Variants in PLXNA1 observed in about 807,000 individuals in gnomAD.
The protein encoded by PLXNA1 is plexin-A1.
PLXNA1 carries 77 observed loss-of-function variants against 191.7 expected under a neutral mutation model. The observed-to-expected ratio is 0.40, with a 90% CI of 0.33 to 0.49. The LOEUF (loss-of-function observed/expected upper bound fraction) is 0.49, where lower values mean the gene tolerates loss of function less well. Ranked by LOEUF, PLXNA1 falls within the 20% of genes least tolerant of loss-of-function variation. PLXNA1 has a pLI of 0.63. For synonymous variants in PLXNA1, 1,137 were observed against 1,156.4 expected (o/e 0.98, Z 0.34); for missense variants, 2,110 against 2,660.2 (o/e 0.79, Z 4.55).
chr3:127,016,021 C>G lies in PLXNA1; in HGVS notation c.3015-496C>G, dbSNP rs187172946. Among the ~76,000 whole-genome samples, 556 of 152,186 alleles carry G rather than the reference C, an allele frequency of 3.7e-3. 3 individuals carry two copies. The highest frequency in any genetic ancestry group is 0.012 in the African/African-American group (486 of 41,528). On this transcript the variant is annotated intron_variant, in intron 15 of 31. Coordinates refer to ENST00000393409, the MANE Select transcript of PLXNA1 (RefSeq NM_032242.4). ...GAGTGGGTGCTGGGCTCCCAGCACTCGGAGCCCCGGCTGAGTGAGGCTGGC... is the reference window on the plus strand; with the variant it reads ...GAGTGGGTGCTGGGCTCCCAGCACTGGGAGCCCCGGCTGAGTGAGGCTGGC...
chr3:127,017,109 C>T, intron 17 of PLXNA1, 72 bp downstream of exon 17: 1 of 1,361,458 alleles, frequency 7.3e-7, no homozygotes, highest in Non-Finnish European at 1.0e-6. Context: ...CTAGGAATAC[C>T]CGTGTCCCTG....
chr3:127,027,595 C>T (rs1304671345), intron 23 of PLXNA1: 2 of 459,494 alleles, frequency 4.4e-6, no homozygotes, highest in East Asian at 6.2e-5. Context: ...GGGGATCCTG[C>T]TGAGACCAGG....
intron 26 of PLXNA1, 82 bp from the exon 27 acceptor site, chr3:127,029,358 G>A (rs1373571334): frequency 6.8e-6 from 9 of 1,330,232 alleles, no homozygotes; most frequent in Admixed American, 3.4e-5. Context: ...GGGTGTCACC[G>A]GGGTCCCCAG....
At chr3:126,992,953 G>A (rs1407976996) in intron 3 of PLXNA1, among the ~76,000 whole-genome samples, 1 of 152,164 alleles carries the variant, frequency 6.6e-6, no homozygotes, top group Non-Finnish European at 1.5e-5. Context: ...CCAGACAGAG[G>A]ACCGTGCTTG....
Position 127,004,651 on chromosome 3 carries a change from C to T in PLXNA1, c.1559C>T (p.Ser520Phe). ...VPVESCVQYTSCELCLGSRDP... is the reference protein window; with the variant it reads ...VPVESCVQYTFCELCLGSRDP... Reference sequence around the variant, plus strand: ...GTGGAGAGCTGTGTGCAGTACACGTCCTGTGAGCTGTGTCTGGGGTCACGG... The same window carrying T: ...GTGGAGAGCTGTGTGCAGTACACGTTCTGTGAGCTGTGTCTGGGGTCACGG... The change falls in exon 5 of 32, where the codon TCC becomes TTC. Residue 520 changes from serine to phenylalanine, a missense_variant. Ser to Phe is a radical substitution (Grantham distance 155, BLOSUM62 -2). This residue lies in a region of PLXNA1 where 903 missense variants were observed against 1,015.7 expected (regional missense o/e 0.89). Coordinates refer to ENST00000393409, the MANE Select transcript of PLXNA1 (RefSeq NM_032242.4). The T allele has an allele frequency of 6.3e-7, 1 of 1,585,980 alleles. No individual in the cohort carries two copies. The highest frequency in any genetic ancestry group is 8.6e-7 in the Non-Finnish European group (1 of 1,166,274).
chr3:127,015,655 G>C (rs1422684650), intron 15 of PLXNA1, among the ~76,000 whole-genome samples: 1 of 152,218 alleles, frequency 6.6e-6, no homozygotes, highest in African/African-American at 2.4e-5. Flanking sequence ...CTTAACAAAA[G>C]CCCTGAGGCT....
At position 127,006,137 on chromosome 3, in the gene PLXNA1, G is replaced by A. The variant is rs765864297; in HGVS notation, c.1956G>A (p.Ala652=). The change falls in exon 8 of 32, where the codon GCG becomes GCA. Residue 652 remains alanine (A), a synonymous_variant. Transcript: ENST00000393409. ...CCAAGGAGACAGGGAAGAAGTTTGCGTCTGTGGACTTCGTCTTCTACAACT... is the reference window on the plus strand; with the variant it reads ...CCAAGGAGACAGGGAAGAAGTTTGCATCTGTGGACTTCGTCTTCTACAACT... ...LKSKETGKKF[A]SVDFVFYNCS... The A allele has an allele frequency of 6.1e-5, 98 of 1,613,720 alleles. No homozygotes were observed. The highest frequency in any genetic ancestry group is 1.8e-4 in the South Asian group (16 of 91,088).
In PLXNA1 at chr3:127,014,374, A is replaced by G. The variant is rs766849650; in HGVS notation, c.2603A>G (p.Lys868Arg). The G allele has an allele frequency of 1.6e-5, 25 of 1,590,108 alleles. No individual in the cohort carries two copies. The highest frequency in any genetic ancestry group is 2.0e-5 in the Non-Finnish European group (24 of 1,174,950). The stretch of plus-strand genomic sequence containing the variant: ...CGCTGCACCGACCCCAAGATCCTCA[A>G]GGTAGGGCCCCCAGCCCTGCCCCCA... ...SSRCTDPKIL[K>R]LSPETGPRQG... is the part of the protein sequence containing the mutation. Residue 868 changes from lysine (K) to arginine (R), a missense_variant and splice_region_variant, in exon 12 of 32, where the codon AAG becomes AGG. Lys to Arg is a conservative substitution (Grantham distance 26). Transcript: ENST00000393409.
chr3:127,022,958 C>A, intron 23 of PLXNA1, 140 bp downstream of exon 23: 2 of 744,722 alleles, frequency 2.7e-6, no homozygotes, highest in South Asian at 1.7e-5. Flanking sequence ...TGGGCCAAGG[C>A]CCCTGGGCAT....
chr3:127,004,658 G>T lies in PLXNA1; in HGVS notation c.1566G>T (p.Glu522Asp), dbSNP rs565669266. The T allele has an allele frequency of 3.7e-5, 58 of 1,588,116 alleles. No individual in the cohort carries two copies. The East Asian group carries it at 7.3e-4, about 20-fold the overall frequency. Residue 522 changes from glutamate (E) to aspartate (D), a missense_variant, in exon 5 of 32, where the codon GAG becomes GAT. This residue lies in a region of PLXNA1 where 903 missense variants were observed against 1,015.7 expected (regional missense o/e 0.89). Transcript: ENST00000393409. ...VESCVQYTSC[E>D]LCLGSRDPHC... ...GCTGTGTGCAGTACACGTCCTGTGA[G>T]CTGTGTCTGGGGTCACGGGACCCCC...
intron 4 of PLXNA1, among the ~76,000 whole-genome samples, chr3:127,003,901 C>G (rs919094247): frequency 6.6e-6 from 1 of 152,258 alleles, no homozygotes; most frequent in Non-Finnish European, 1.5e-5. Flanking sequence ...TGTGGCTGGC[C>G]TGGTCTACCC....
rs1213710802 is a variant in PLXNA1, at chr3:126,989,071, C to T, written c.478C>T (p.Leu160=). The T allele has an allele frequency of 3.7e-6, 6 of 1,613,300 alleles. No homozygotes were observed. Among genetic ancestry groups the T allele is most frequent in the Admixed American group, 3.3e-5 (2 of 60,008 alleles). ...GCCACACCACCGTAAGGAGCACTACCTGTCCAGCGTGCAGGAGGCAGGCAG... is the reference window on the plus strand; with the variant it reads ...GCCACACCACCGTAAGGAGCACTACTTGTCCAGCGTGCAGGAGGCAGGCAG... ...GEPHHRKEHY[L]SSVQEAGSMA... Residue 160 remains leucine, a synonymous_variant, in exon 2 of 32, where the codon CTG becomes TTG. Transcript: ENST00000393409.
chr3:127,020,393 A>ATCT (rs770110476), intron 21 of PLXNA1, 49 bp downstream of exon 21: 87 of 1,599,844 alleles, frequency 5.4e-5, no homozygotes, highest in Non-Finnish European at 6.8e-5. Flanking sequence ...GGCAGCTGCT[A>ATCT]TCTTCTGCCT....
intron 16 of PLXNA1, 69 bp downstream of exon 16, chr3:127,016,753 A>G (rs2079125774): frequency 3.8e-6 from 6 of 1,564,740 alleles, no homozygotes; most frequent in African/African-American, 1.3e-5. Context: ...GAGCTCTTCC[A>G]CTGGGCACTT....
Position 126,989,609 on chromosome 3 carries a change from C to G in PLXNA1, c.1016C>G (p.Thr339Ser). 1 of 1,613,224 alleles carries G rather than the reference C, an allele frequency of 6.2e-7. No individual in the cohort carries two copies. The highest frequency in any genetic ancestry group is 8.5e-7 in the Non-Finnish European group (1 of 1,180,028). ...GCTGAGGACGAGGACGTGCTGTTCA[C>G]TGTGTTCGCCCAGGGCCAGAAGAAC... Reference protein sequence around the residue: ...GLAEDEDVLFTVFAQGQKNRV... With the variant: ...GLAEDEDVLFSVFAQGQKNRV... The change falls in exon 2 of 32, where the codon ACT (threonine) becomes AGT (serine). Residue 339 changes from threonine to serine, a missense_variant. Around this residue, in one of 4 missense-constraint regions of PLXNA1, gnomAD observed 903 missense variants for 1,015.7 expected, o/e 0.89. Coordinates refer to ENST00000393409, the MANE Select transcript of PLXNA1 (RefSeq NM_032242.4).
chr3:127,001,728 C>T lies in PLXNA1; in HGVS notation c.1378-1602C>T, dbSNP rs150220008. Among the ~76,000 whole-genome samples, 288 of 152,356 alleles carry T rather than the reference C, an allele frequency of 1.9e-3. 1 individual carries two copies. The highest frequency in any genetic ancestry group is 6.5e-3 in the African/African-American group (271 of 41,594). ...GGATGTGTGGTTGGCTGCGCAGGTG[C>T]GGTGATTGCTGTGGGCCTGGCCACC... On this transcript the variant is annotated intron_variant, in intron 3 of 31. Coordinates refer to ENST00000393409, the MANE Select transcript of PLXNA1 (RefSeq NM_032242.4).
intron 15 of PLXNA1, among the ~76,000 whole-genome samples, chr3:127,016,228 G>A (rs929434894): frequency 6.6e-6 from 1 of 152,188 alleles, no homozygotes; most frequent in Non-Finnish European, 1.5e-5. Context: ...CACCAGGAGT[G>A]GGTGTGGGCG....
chr3:127,019,889 C>T (rs1372143162), intron 20 of PLXNA1, among the ~76,000 whole-genome samples: 2 of 152,156 alleles, frequency 1.3e-5, no homozygotes, highest in Non-Finnish European at 2.9e-5. Context: ...GGAAGGAGCC[C>T]GAACTCCAAA....
chr3:127,005,251 G>A lies in PLXNA1; in HGVS notation c.1897+8G>A, dbSNP rs767049981. 8 of 1,599,316 alleles carry A rather than the reference G, an allele frequency of 5.0e-6. No individual in the cohort carries two copies. In the East Asian group the frequency reaches 1.6e-4, roughly 32 times the overall value. On this transcript the variant is annotated splice_region_variant and intron_variant, in intron 7 of 31. Transcript: ENST00000393409. ...CCATCACGCGGGGCCAGGGTGAGTG[G>A]CCCCAACACAATGGTGCCCGCTGCC...
Sources: gnomAD v4.1 joint callset for allele counts (sites outside exome capture counted in the v4.1 genomes callset) on GRCh38, gnomAD v4.1.1 for gene constraint, gnomAD v4.1.1 regional missense constraint, MANE v1.5 for transcripts, NCBI Gene and HGNC (gene_info 2026-07-23, HGNC 2026-07-21) for gene names.